The following CACNA1C variants were observed in gnomAD, a reference collection of about 807,000 sequenced individuals.
CACNA1C encodes the protein voltage-dependent L-type calcium channel subunit alpha-1C.
CACNA1C carries 30 observed loss-of-function variants against 229.0 expected under a neutral mutation model. The observed-to-expected ratio is 0.13, with a 90% CI of 0.10 to 0.18. The LOEUF is 0.18. Ranked by LOEUF, CACNA1C falls within the 10% of genes least tolerant of loss-of-function variation. The pLI, the probability that CACNA1C is intolerant of heterozygous loss-of-function variation, is 1.00. For synonymous variants in CACNA1C, 1,114 were observed against 1,132.5 expected (o/e 0.98, Z 0.33); for missense variants, 1,658 against 2,845.0 (o/e 0.58, Z 9.49).
intron 3 of CACNA1C, among the ~76,000 whole-genome samples, chr12:2,343,319 A>G (rs1050077220): frequency 9.8e-5 from 15 of 152,318 alleles, no homozygotes; most frequent in African/African-American, 3.1e-4. Flanking sequence ...GCCTCTCTCT[A>G]TTTGGCTGTT....
chr12:1,996,608 T>C (rs138228920), intron 1 of CACNA1C, among the ~76,000 whole-genome samples: 1,877 of 68,822 alleles, frequency 0.027, 52 homozygotes, highest in African/African-American at 0.097. Context: ...TAATAATAGC[T>C]GATGAGCTAA....
rs1344137087 is a variant in CACNA1C, at chr12:2,515,470, T to A, written c.1390+2486T>A. Among the ~76,000 whole-genome samples the A allele has an allele frequency of 2.6e-5, 4 of 152,248 alleles. No homozygotes were observed. In the South Asian group the frequency reaches 8.3e-4, roughly 32 times the overall value. ...TCCTGCTACGTTTGAAGCATGTGTG[T>A]TTCAATTACCGTAATATCTTAGCCT... On this transcript the variant is annotated intron_variant, in intron 9 of 46. Transcript: ENST00000399655.
intron 3 of CACNA1C, among the ~76,000 whole-genome samples, chr12:2,180,591 A>T (rs975754837): frequency 2.6e-5 from 4 of 152,230 alleles, no homozygotes; most frequent in African/African-American, 9.6e-5. Flanking sequence ...ACAGTGGCTC[A>T]GTTCCCAGAT....
At chr12:2,629,780 G>C (rs2089443694) in intron 29 of CACNA1C, among the ~76,000 whole-genome samples, 1 of 152,234 alleles carries the variant, frequency 6.6e-6, no homozygotes, top group African/African-American at 2.4e-5. Context: ...TCGTGCATGT[G>C]AAATGCATCC....
chr12:2,107,794 T>C (rs982848970), intron 1 of CACNA1C, among the ~76,000 whole-genome samples: 1 of 152,236 alleles, frequency 6.6e-6, no homozygotes, highest in Non-Finnish European at 1.5e-5. Context: ...TCATTCGCTA[T>C]TGCCTTTTTA....
At chr12:2,637,517 T>C (rs1432763523) in intron 30 of CACNA1C, among the ~76,000 whole-genome samples, 1 of 152,212 alleles carries the variant, frequency 6.6e-6, no homozygotes, top group Non-Finnish European at 1.5e-5. Context: ...CCACGGCCCA[T>C]AACTCTGGGC....
intron 3 of CACNA1C, among the ~76,000 whole-genome samples, chr12:2,297,801 G>C (rs2094195770): frequency 6.6e-6 from 1 of 152,044 alleles, no homozygotes; most frequent in African/African-American, 2.4e-5. Flanking sequence ...ACGTGTATCT[G>C]TCTGAACAGT....
At chr12:2,437,756 A>G (rs2099148950) in intron 3 of CACNA1C, among the ~76,000 whole-genome samples, 1 of 150,548 alleles carries the variant, frequency 6.6e-6, no homozygotes, top group Non-Finnish European at 1.5e-5. Context: ...GATGGTGGTA[A>G]TGGTGATAGT....
intron 9 of CACNA1C, among the ~76,000 whole-genome samples, chr12:2,516,031 TTAAA>T (rs139978649): frequency 0.17 from 25,810 of 151,262 alleles, 2,724 homozygotes; most frequent in African/African-American, 0.29. Flanking sequence ...AGGTGGTAAA[TTAAA>T]TAGCATGCCA....
At chr12:2,422,142 G>T (rs1301250575) in intron 3 of CACNA1C, among the ~76,000 whole-genome samples, 2 of 152,134 alleles carry the variant, frequency 1.3e-5, no homozygotes, top group Non-Finnish European at 2.9e-5. Flanking sequence ...AGTAAACAAA[G>T]TGATTCTTCC....
chr12:2,292,239 G>A (rs2093588360), intron 3 of CACNA1C, among the ~76,000 whole-genome samples: 1 of 152,240 alleles, frequency 6.6e-6, no homozygotes, highest in Admixed American at 6.5e-5. Context: ...GTACAATAGT[G>A]AGTGAAGCAA....
intron 1 of CACNA1C, among the ~76,000 whole-genome samples, chr12:1,986,167 A>G (rs112450661): frequency 0.027 from 4,161 of 152,322 alleles, 96 homozygotes; most frequent in Middle Eastern, 0.054. Flanking sequence ...ACTAGTCTGA[A>G]TTTGGAATAA....
At chr12:2,670,719 C>T (rs1020940483) in intron 38 of CACNA1C, among the ~76,000 whole-genome samples, 5 of 151,768 alleles carry the variant, frequency 3.3e-5, no homozygotes, top group South Asian at 2.1e-4. Context: ...ATTAGCCGGG[C>T]GTGGTGGCAC....
intron 3 of CACNA1C, among the ~76,000 whole-genome samples, chr12:2,291,967 T>A (rs560118707): frequency 2.4e-4 from 36 of 152,256 alleles, no homozygotes; most frequent in African/African-American, 8.2e-4. Context: ...TAGGAAAGGG[T>A]CGTTTAAGTT....
At chr12:2,308,297 T>C (rs550795480) in intron 3 of CACNA1C, among the ~76,000 whole-genome samples, 7 of 152,370 alleles carry the variant, frequency 4.6e-5, no homozygotes, top group Non-Finnish European at 7.3e-5. Flanking sequence ...TTATATATTT[T>C]GGATATTAAC....
chr12:2,665,698 C>A lies in CACNA1C; in HGVS notation c.4516C>A (p.Pro1506Thr). The A allele has an allele frequency of 6.2e-7, 1 of 1,612,398 alleles. No individual in the cohort carries two copies. Among genetic ancestry groups the A allele is most frequent in the Non-Finnish European group, 8.5e-7 (1 of 1,179,106 alleles). Residue 1506 changes from proline to threonine, a missense_variant, in exon 36 of 47, where the codon CCT becomes ACT. By Grantham distance (38) the Pro-to-Thr change is conservative. Transcript: ENST00000399655. The surrounding 1 kb of genome is among the most constrained non-coding windows in gnomAD (Gnocchi z 5.9). ...TAAAAGAATCTGGGCAGAGTATGAC[C>A]CTGAAGCCAAGTAAGTTCCCAGAGG... ...EFKRIWAEYD[P>T]EAKGRIKHLD...
At chr12:2,604,273 C>T (rs2074225678) in intron 22 of CACNA1C, among the ~76,000 whole-genome samples, 2 of 152,110 alleles carry the variant, frequency 1.3e-5, no homozygotes, top group Admixed American at 6.5e-5. Flanking sequence ...GGGACTGAGA[C>T]AGGAGGGCAA....
chr12:2,505,900 T>C (rs1291765617), intron 8 of CACNA1C, among the ~76,000 whole-genome samples: 1 of 152,102 alleles, frequency 6.6e-6, no homozygotes, highest in African/African-American at 2.4e-5. Flanking sequence ...TCAGCTGCTT[T>C]GCAGAGTCTT....
chr12:2,270,095 G>A (rs1237272223), intron 3 of CACNA1C, among the ~76,000 whole-genome samples: 3 of 152,148 alleles, frequency 2.0e-5, no homozygotes, highest in East Asian at 3.9e-4. Flanking sequence ...TCCAGGGCAC[G>A]GGGTCAGGGA....
Sources: allele counts gnomAD v4.1 joint callset (sites outside exome capture counted in the v4.1 genomes callset), GRCh38; gene constraint gnomAD v4.1.1; non-coding constraint Gnocchi (gnomAD v3.1); transcripts MANE v1.5; gene names NCBI Gene and HGNC (gene_info 2026-07-23, HGNC 2026-07-21).